Variants in CCL28 observed in about 807,000 individuals in gnomAD.
CCL28 encodes C-C motif chemokine ligand 28.
In CCL28, 4 loss-of-function variants were observed where a neutral mutation model predicts 7.1. The observed-to-expected ratio is 0.56, with a 90% CI of 0.28 to 1.29. CCL28 has a LOEUF of 1.29. Among genes scored for constraint, CCL28 ranks in the 50% most tolerant of loss-of-function variants. The pLI is 0.11. For missense variants in CCL28, 151 were observed against 163.4 expected (o/e 0.92, Z 0.41); for synonymous variants, 55 against 57.8 (o/e 0.95, Z 0.22).
chr5:43,380,461 C>G lies in CCL28; in HGVS notation c.*1399G>C, dbSNP rs144021267. 2.0e-5 allele frequency: 3 copies of G among 152,102 alleles called. No homozygotes were observed. Among genetic ancestry groups the G allele is most frequent in the Non-Finnish European group, 4.4e-5 (3 of 68,032 alleles). The allele number at this position is 152,102 out of a possible 1,614,324, so 9.4% of individuals were successfully genotyped here. On this transcript the variant is annotated 3_prime_UTR_variant, in exon 3 of 3. Coordinates refer to ENST00000361115, the MANE Select transcript of CCL28 (RefSeq NM_148672.3). ...ATGACAAAATAAGTACACGAATTCA[C>G]GTAGGAAATTCTTAACCAAAAACAT...
the CCL28 span, among the ~76,000 whole-genome samples, chr5:43,366,357 G>A: frequency 7.2e-5 from 11 of 152,284 alleles, no homozygotes; most frequent in East Asian, 1.4e-3. Context: ...CTGTGTGGAC[G>A]TCCTTTTTGT....
intron 1 of CCL28, among the ~76,000 whole-genome samples, chr5:43,407,654 A>G (rs936905861): frequency 1.3e-5 from 2 of 152,264 alleles, no homozygotes; most frequent in Non-Finnish European, 2.9e-5. Flanking sequence ...GGATCTAATT[A>G]AACCAAAGAA....
Position 43,384,610 on chromosome 5 carries a change from T to C in CCL28, c.192-2558A>G, listed in dbSNP as rs555725138. On this transcript the variant is annotated intron_variant, in intron 2 of 2. Coordinates refer to ENST00000361115, the MANE Select transcript of CCL28 (RefSeq NM_148672.3). ...AACGGTGAGTTTGTAGGTGGAGAGT[T>C]TTGACTGTAAGAAATCCTGAGGCCA... Among the ~76,000 whole-genome samples the C allele has an allele frequency of 2.0e-5, 3 of 152,146 alleles. No individual in the cohort carries two copies. The South Asian group carries it at 6.2e-4, about 32-fold the overall frequency.
At chr5:43,375,686 T>C (rs926804403), downstream of CCL28, among the ~76,000 whole-genome samples, 2 of 152,108 alleles carry the variant, frequency 1.3e-5, no homozygotes, top group East Asian at 1.9e-4. Context: ...AAGGCAAGAA[T>C]AGTAGGCTAT....
At chr5:43,368,201 G>A in the CCL28 span, among the ~76,000 whole-genome samples, 1 of 152,152 alleles carries the variant, frequency 6.6e-6, no homozygotes, top group South Asian at 2.1e-4. Context: ...TAATATTTCT[G>A]GTATGGTAGG....
At chr5:43,363,912 A>G in the CCL28 span, among the ~76,000 whole-genome samples, 1 of 152,176 alleles carries the variant, frequency 6.6e-6, no homozygotes, top group Non-Finnish European at 1.5e-5. Flanking sequence ...CCACTGAGGA[A>G]AGCCTTCACA....
At chr5:43,392,931 A>G (rs1306080457) in intron 1 of CCL28, among the ~76,000 whole-genome samples, 1 of 152,200 alleles carries the variant, frequency 6.6e-6, no homozygotes. Flanking sequence ...ATTTCCTTAC[A>G]GTTTGCCATT....
downstream of CCL28, among the ~76,000 whole-genome samples, chr5:43,373,148 A>G (rs981944775): frequency 1.3e-5 from 2 of 152,086 alleles, no homozygotes; most frequent in Non-Finnish European, 2.9e-5. Flanking sequence ...ACTTAACTAG[A>G]TATTATTAAT....
At chr5:43,360,989 C>T in the CCL28 span, among the ~76,000 whole-genome samples, 1 of 152,114 alleles carries the variant, frequency 6.6e-6, no homozygotes, top group South Asian at 2.1e-4. Flanking sequence ...CCCCTGGCAC[C>T]TCCTGACAGG....
the CCL28 span, among the ~76,000 whole-genome samples, chr5:43,369,330 C>T: frequency 6.6e-6 from 1 of 152,034 alleles, no homozygotes; most frequent in African/African-American, 2.4e-5. Flanking sequence ...AAAATTGAGA[C>T]AAAAAGTAGA....
downstream of CCL28, among the ~76,000 whole-genome samples, chr5:43,377,650 G>A (rs1343719385): frequency 2.2e-5 from 3 of 134,168 alleles, no homozygotes; most frequent in Admixed American, 1.5e-4. Context: ...GAAGGGAAGA[G>A]ATAAGCAAAG....
At chr5:43,399,863 T>TG (rs1301696547) in intron 1 of CCL28, among the ~76,000 whole-genome samples, 6 of 151,490 alleles carry the variant, frequency 4.0e-5, no homozygotes, top group African/African-American at 1.5e-4. Context: ...TTTTTTTTTT[T>TG]GGGAGACCGT....
At chr5:43,403,740 G>A (rs1741144322) in intron 1 of CCL28, among the ~76,000 whole-genome samples, 1 of 152,172 alleles carries the variant, frequency 6.6e-6, no homozygotes, top group Non-Finnish European at 1.5e-5. Flanking sequence ...CGAACCCATG[G>A]CAAAGAAGTT....
At chr5:43,412,170 G>GC in intron 1 of CCL28, 83 bp downstream of exon 1, 1 of 1,001,546 alleles carries the variant, frequency 1.0e-6, no homozygotes, top group South Asian at 2.0e-5. Flanking sequence ...AGATATTCTT[G>GC]CCCCACCTCA....
At chr5:43,404,174 C>T (rs1741166773) in intron 1 of CCL28, among the ~76,000 whole-genome samples, 1 of 152,130 alleles carries the variant, frequency 6.6e-6, no homozygotes, top group South Asian at 2.1e-4. Flanking sequence ...CAAAATACTC[C>T]TCAAGAAGAG....
the CCL28 span, among the ~76,000 whole-genome samples, chr5:43,364,571 A>C: frequency 6.6e-6 from 1 of 152,174 alleles, no homozygotes; most frequent in Non-Finnish European, 1.5e-5. Flanking sequence ...TTAATCTCAA[A>C]ATAATTTTAT....
At position 43,409,361 on chromosome 5, in the gene CCL28, G is replaced by A. The variant is rs543222619; in HGVS notation, c.64+2892C>T. 2.0e-5 allele frequency among the ~76,000 whole-genome samples: 3 copies of A among 152,228 alleles called. No homozygotes were observed. The South Asian group carries it at 6.2e-4, about 32-fold the overall frequency. On this transcript the variant is annotated intron_variant, in intron 1 of 2. Transcript: ENST00000361115. The stretch of plus-strand genomic sequence containing the variant: ...GAATTGCTTGAACCCAGGAGGCGGA[G>A]GTTGCAGTGAGCCGAGATTGCACCA...
intron 1 of CCL28, among the ~76,000 whole-genome samples, chr5:43,397,774 T>C (rs1214773650): frequency 6.6e-6 from 1 of 152,208 alleles, no homozygotes; most frequent in Non-Finnish European, 1.5e-5. Context: ...GATTCCTCTA[T>C]TTCTACTATA....
chr5:43,403,514 C>T (rs1274686532), intron 1 of CCL28, among the ~76,000 whole-genome samples: 2 of 152,162 alleles, frequency 1.3e-5, no homozygotes, highest in Admixed American at 1.3e-4. Context: ...ATCTGTACGT[C>T]ACCATCATCA....
Sources: gnomAD v4.1 joint callset for allele counts (sites outside exome capture counted in the v4.1 genomes callset) on GRCh38, gnomAD v4.1.1 for gene constraint, MANE v1.5 for transcripts, NCBI Gene and HGNC (gene_info 2026-07-23, HGNC 2026-07-21) for gene names.